The following UBE2E2 variants were observed in gnomAD, a reference collection of about 807,000 sequenced individuals.
UBE2E2 encodes the protein ubiquitin-conjugating enzyme E2 E2.
UBE2E2 carries 6 observed loss-of-function variants against 24.7 expected under a neutral mutation model. The ratio of observed to expected loss-of-function variants is 0.24; its 90% CI spans 0.13 to 0.48. UBE2E2 has a LOEUF of 0.48. Ranked by LOEUF, UBE2E2 falls within the 20% of genes least tolerant of loss-of-function variation. The probability of loss-of-function intolerance (pLI) is 0.99; values close to 1 mark genes in which losing one functional copy is unlikely to be tolerated. For synonymous variants in UBE2E2, 104 were observed against 83.6 expected (o/e 1.24, Z -1.33); for missense variants, 169 against 245.0 (o/e 0.69, Z 2.07).
chr3:23,532,061 CAAAA>C (rs538531736), intron 4 of UBE2E2, among the ~76,000 whole-genome samples: 1 of 91,292 alleles, frequency 1.1e-5, no homozygotes, highest in East Asian at 2.8e-4. Context: ...AACTCTATCT[CAAAA>C]AAAAAAAAAA....
intron 3 of UBE2E2, among the ~76,000 whole-genome samples, chr3:23,422,587 G>T (rs1252960361): frequency 1.3e-5 from 2 of 152,178 alleles, no homozygotes; most frequent in African/African-American, 4.8e-5. Context: ...TCAGCCCTAT[G>T]TTGGAACAAA....
chr3:23,236,795 G>C (rs898565767), intron 3 of UBE2E2, among the ~76,000 whole-genome samples: 2 of 152,158 alleles, frequency 1.3e-5, no homozygotes, highest in African/African-American at 2.4e-5. Flanking sequence ...TGGACCGCCT[G>C]TCTCTCTATC....
intron 3 of UBE2E2, among the ~76,000 whole-genome samples, chr3:23,305,964 C>T (rs1220116243): frequency 3.9e-5 from 6 of 152,124 alleles, no homozygotes; most frequent in East Asian, 1.9e-4. Context: ...AAACTTTGCT[C>T]ATTTTTCTAG....
rs978794997 is a variant in UBE2E2, at chr3:23,532,498, A to G, written c.361-56A>G. The stretch of plus-strand genomic sequence containing the variant: ...ATTTTATTAGACAAAAATTGTCTAT[A>G]GATACTGTTAATAAACACTTTGTCT... On this transcript the variant is annotated intron_variant, in intron 4 of 5. Coordinates refer to ENST00000396703, the MANE Select transcript of UBE2E2 (RefSeq NM_152653.4). The G allele has an allele frequency of 1.3e-4, 184 of 1,429,234 alleles. 1 individual carries two copies. In the Middle Eastern group the frequency reaches 1.9e-3, roughly 15 times the overall value. The allele number at this position is 1,429,234 out of a possible 1,614,324, so 88.5% of individuals were successfully genotyped here.
chr3:23,241,326 C>A lies in UBE2E2; in HGVS notation c.227+24014C>A, dbSNP rs1285011044. ...ATTGCCACACCCTCCCAACAGGTCT[C>A]CCTTCTTCCATCCTTCCTTCTATAT... On this transcript the variant is annotated intron_variant, in intron 3 of 5. Transcript: ENST00000396703. 2.6e-5 allele frequency among the ~76,000 whole-genome samples: 4 copies of A among 152,172 alleles called. No homozygotes were observed. The East Asian group carries it at 7.7e-4, about 29-fold the overall frequency.
intron 3 of UBE2E2, among the ~76,000 whole-genome samples, chr3:23,328,976 C>T (rs1176515350): frequency 6.6e-6 from 1 of 152,152 alleles, no homozygotes. Flanking sequence ...ATGCCTTAAT[C>T]TCGATAGGCT....
intron 4 of UBE2E2, among the ~76,000 whole-genome samples, chr3:23,522,650 C>T (rs541723583): frequency 7.5e-4 from 114 of 152,160 alleles, no homozygotes; most frequent in African/African-American, 2.7e-3. Flanking sequence ...TTTCAGGCAA[C>T]TATGTCTTTA....
At chr3:23,364,060 A>G (rs1267221642) in intron 3 of UBE2E2, among the ~76,000 whole-genome samples, 1 of 152,200 alleles carries the variant, frequency 6.6e-6, no homozygotes, top group African/African-American at 2.4e-5. Flanking sequence ...TAAACAATGA[A>G]ATTAAGGCAG....
intron 3 of UBE2E2, among the ~76,000 whole-genome samples, chr3:23,356,328 T>G (rs1559359767): frequency 1.3e-5 from 2 of 152,170 alleles, no homozygotes; most frequent in Non-Finnish European, 2.9e-5. Context: ...TGTTGTGAAA[T>G]AGACAAATAT....
intron 5 of UBE2E2, among the ~76,000 whole-genome samples, chr3:23,576,468 G>C (rs1696349680): frequency 6.6e-6 from 1 of 152,058 alleles, no homozygotes; most frequent in East Asian, 1.9e-4. Flanking sequence ...GAGGAGAAAA[G>C]TGAAAGAATG....
chr3:23,525,454 C>G (rs1290767435), intron 4 of UBE2E2, among the ~76,000 whole-genome samples: 2 of 152,166 alleles, frequency 1.3e-5, no homozygotes, highest in African/African-American at 4.8e-5. Flanking sequence ...TAAATGTTTT[C>G]TATATCGCTA....
intron 3 of UBE2E2, among the ~76,000 whole-genome samples, chr3:23,395,410 G>A (rs1697051301): frequency 6.6e-6 from 1 of 152,148 alleles, no homozygotes; most frequent in Admixed American, 6.5e-5. Flanking sequence ...GTAGTTACAT[G>A]TACTTAATTT....
At chr3:23,430,630 T>G (rs1698038874) in intron 3 of UBE2E2, among the ~76,000 whole-genome samples, 1 of 151,978 alleles carries the variant, frequency 6.6e-6, no homozygotes, top group Non-Finnish European at 1.5e-5. Flanking sequence ...GCAGTCTTCC[T>G]GTCTTATCCT....
intron 3 of UBE2E2, among the ~76,000 whole-genome samples, chr3:23,220,683 T>C (rs1016272688): frequency 2.0e-5 from 3 of 152,228 alleles, no homozygotes; most frequent in Admixed American, 1.3e-4. Context: ...TTAGAGGTGC[T>C]GGGCAGTTGG....
At chr3:23,203,982 G>A (rs367982568) in intron 1 of UBE2E2, among the ~76,000 whole-genome samples, 85 of 152,132 alleles carry the variant, frequency 5.6e-4, no homozygotes, top group African/African-American at 1.5e-3. Context: ...GGGTATATTT[G>A]TGTGTGTCCT....
chr3:23,557,063 T>C (rs146075030), intron 5 of UBE2E2, among the ~76,000 whole-genome samples: 3 of 152,252 alleles, frequency 2.0e-5, no homozygotes, highest in African/African-American at 7.2e-5. Context: ...ATACTAAACA[T>C]TGAAATAGAT....
At chr3:23,542,711 T>C (rs1695421305) in intron 5 of UBE2E2, among the ~76,000 whole-genome samples, 1 of 152,214 alleles carries the variant, frequency 6.6e-6, no homozygotes, top group Non-Finnish European at 1.5e-5. Flanking sequence ...TTTTTAAAAA[T>C]CAGTCGTCTT....
intron 3 of UBE2E2, among the ~76,000 whole-genome samples, chr3:23,378,879 T>C (rs190735900): frequency 6.6e-6 from 1 of 152,274 alleles, no homozygotes; most frequent in Admixed American, 6.5e-5. Flanking sequence ...TAATTTTTAC[T>C]TGAGAGAAAA....
At chr3:23,481,268 C>T (rs1699253765) in intron 3 of UBE2E2, among the ~76,000 whole-genome samples, 1 of 152,206 alleles carries the variant, frequency 6.6e-6, no homozygotes, top group Admixed American at 6.5e-5. Context: ...CTTTCAAATG[C>T]TACTCTATCC....
Sources: gnomAD v4.1 joint callset for allele counts (sites outside exome capture counted in the v4.1 genomes callset) on GRCh38, gnomAD v4.1.1 for gene constraint, MANE v1.5 for transcripts, NCBI Gene and HGNC (gene_info 2026-07-23, HGNC 2026-07-21) for gene names.